Variants in GALNT1 observed in about 807,000 individuals in gnomAD.
GALNT1 encodes polypeptide N-acetylgalactosaminyltransferase 1, also known as GalNAc transferase 1.
In GALNT1, 17 loss-of-function variants were observed where a neutral mutation model predicts 65.7. That is an observed-to-expected ratio of 0.26 (90% CI 0.18 to 0.39). The LOEUF (loss-of-function observed/expected upper bound fraction) is 0.39, where lower values mean the gene tolerates loss of function less well. Ranked by LOEUF, GALNT1 falls within the 10% of genes least tolerant of loss-of-function variation. The probability of loss-of-function intolerance (pLI) is 1.00; values close to 1 mark genes in which losing one functional copy is unlikely to be tolerated. For missense variants in GALNT1, 460 were observed against 672.8 expected (o/e 0.68, Z 3.50); for synonymous variants, 210 against 219.7 (o/e 0.96, Z 0.39).
chr18:35,673,175 G>A (rs2047659768), intron 3 of GALNT1, among the ~76,000 whole-genome samples: 1 of 152,184 alleles, frequency 6.6e-6, no homozygotes, highest in Admixed American at 6.5e-5. Context: ...ATAAATGCTA[G>A]TGACAGATGA....
At chr18:35,613,872 G>GA (rs1248345698) in intron 1 of GALNT1, among the ~76,000 whole-genome samples, 7 of 151,022 alleles carry the variant, frequency 4.6e-5, no homozygotes, top group Admixed American at 4.0e-4. Flanking sequence ...CCTTAATGGT[G>GA]GGGGAAAAAA....
chr18:35,605,509 AAG>A (rs2046635854), intron 1 of GALNT1, among the ~76,000 whole-genome samples: 1 of 151,680 alleles, frequency 6.6e-6, no homozygotes, highest in Non-Finnish European at 1.5e-5. Flanking sequence ...AAAAAAGAAA[AAG>A]AAAAATTTTT....
intron 5 of GALNT1, among the ~76,000 whole-genome samples, chr18:35,686,409 G>A (rs2047868717): frequency 6.6e-6 from 1 of 152,200 alleles, no homozygotes; most frequent in African/African-American, 2.4e-5. Context: ...TGCTTCTGAA[G>A]AAGAATCAGA....
chr18:35,703,336 C>G (rs112560292), intron 10 of GALNT1, among the ~76,000 whole-genome samples, 173 bp from the exon 11 acceptor site: 1 of 152,134 alleles, frequency 6.6e-6, no homozygotes, highest in South Asian at 2.1e-4. Flanking sequence ...AGTAACATAA[C>G]ATCAATGTAA....
At chr18:35,593,248 A>G (rs1417151897) in intron 1 of GALNT1, among the ~76,000 whole-genome samples, 1 of 152,168 alleles carries the variant, frequency 6.6e-6, no homozygotes, top group Admixed American at 6.5e-5. Context: ...AGGCCTTATA[A>G]AGAAGACAGT....
chr18:35,671,791 G>A (rs887302734), intron 3 of GALNT1, among the ~76,000 whole-genome samples: 2 of 152,132 alleles, frequency 1.3e-5, no homozygotes, highest in African/African-American at 2.4e-5. Context: ...TTGTCAAGGT[G>A]TAGATTTATC....
chr18:35,600,833 G>T (rs964834930), intron 1 of GALNT1, among the ~76,000 whole-genome samples: 1 of 152,036 alleles, frequency 6.6e-6, no homozygotes, highest in Non-Finnish European at 1.5e-5. Flanking sequence ...GTTCAAGTTG[G>T]TTTGCTAGCA....
intron 5 of GALNT1, among the ~76,000 whole-genome samples, chr18:35,686,688 A>G (rs1169597612): frequency 1.3e-5 from 2 of 152,204 alleles, no homozygotes; most frequent in East Asian, 3.8e-4. Context: ...ACTGTATATC[A>G]TAGTTAAAAT....
At chr18:35,615,985 C>T (rs2046779072) in intron 1 of GALNT1, among the ~76,000 whole-genome samples, 1 of 152,178 alleles carries the variant, frequency 6.6e-6, no homozygotes, top group African/African-American at 2.4e-5. Context: ...AGTGCAAAAG[C>T]AGCTGTAAAC....
chr18:35,668,506 C>G (rs1463340677), intron 3 of GALNT1, among the ~76,000 whole-genome samples: 1 of 152,038 alleles, frequency 6.6e-6, no homozygotes, highest in Non-Finnish European at 1.5e-5. Context: ...AGACAGCATC[C>G]CTACACATCT....
rs992748683 is a variant in GALNT1 at position 35,692,437 on chromosome 18, A to G, written c.1299+117A>G. 6.9e-6 allele frequency: 4 copies of G among 581,442 alleles called. No homozygotes were observed. In the Admixed American group the frequency reaches 1.5e-4, roughly 22 times the overall value. The allele number at this position is 581,442 out of a possible 1,614,324, so 36.0% of individuals were successfully genotyped here. ...GAAAGTACCTTCATGTTAACATTTA[A>G]CTTCTCTTGCTTCCTTCCTCCTTCT... On this transcript the variant is annotated intron_variant, in intron 9 of 11. Transcript: ENST00000269195.
At chr18:35,707,415 G>A (rs1399095903) in intron 11 of GALNT1, among the ~76,000 whole-genome samples, 2 of 152,176 alleles carry the variant, frequency 1.3e-5, no homozygotes, top group Non-Finnish European at 2.9e-5. Flanking sequence ...AGTCCTCTGA[G>A]GAGTGCTGTG....
At chr18:35,585,451 A>G (rs2143825862) in intron 1 of GALNT1, among the ~76,000 whole-genome samples, 1 of 152,280 alleles carries the variant, frequency 6.6e-6, no homozygotes, top group African/African-American at 2.4e-5. Context: ...AACAGTTTAC[A>G]TTTATATCTG....
chr18:35,672,181 C>G (rs931802166), intron 3 of GALNT1, among the ~76,000 whole-genome samples: 2 of 152,218 alleles, frequency 1.3e-5, no homozygotes, highest in African/African-American at 4.8e-5. Flanking sequence ...TTGTAAAGTG[C>G]TTTGCACACT....
intron 1 of GALNT1, among the ~76,000 whole-genome samples, chr18:35,648,024 G>GAGAAGA (rs71166076): frequency 7.0e-4 from 102 of 145,954 alleles, no homozygotes; most frequent in African/African-American, 2.4e-3. Context: ...AAAACAAAAA[G>GAGAAGA]AGAAGAAGAA....
intron 2 of GALNT1, among the ~76,000 whole-genome samples, chr18:35,659,147 T>C (rs2047440464): frequency 6.6e-6 from 1 of 152,252 alleles, no homozygotes; most frequent in East Asian, 1.9e-4. Context: ...ACCTAATTTC[T>C]GAACGTTCTG....
chr18:35,658,654 G>A (rs1278485910), intron 2 of GALNT1, among the ~76,000 whole-genome samples: 1 of 151,882 alleles, frequency 6.6e-6, no homozygotes, highest in African/African-American at 2.4e-5. Context: ...ATGGCACCAA[G>A]GATGCCAACT....
At chr18:35,708,920 C>CTAAT (rs2048309836) in intron 11 of GALNT1, among the ~76,000 whole-genome samples, 1 of 152,140 alleles carries the variant, frequency 6.6e-6, no homozygotes, top group South Asian at 2.1e-4. Context: ...TAATGTGATC[C>CTAAT]TAATTTTTAA....
At chr18:35,606,021 G>A (rs1240895180) in intron 1 of GALNT1, among the ~76,000 whole-genome samples, 1 of 152,186 alleles carries the variant, frequency 6.6e-6, no homozygotes, top group East Asian at 1.9e-4. Context: ...TGTGCTAACA[G>A]TCTATCCCAA....
Sources: gnomAD v4.1 joint callset for allele counts (sites outside exome capture counted in the v4.1 genomes callset) on GRCh38, gnomAD v4.1.1 for gene constraint, MANE v1.5 for transcripts, NCBI Gene and HGNC (gene_info 2026-07-23, HGNC 2026-07-21) for gene names.